The following RARB variants were observed in gnomAD, a reference collection of about 807,000 sequenced individuals.
RARB encodes retinoic acid receptor beta, also known as HBV-activated protein.
In RARB, 17 loss-of-function variants were observed where a neutral mutation model predicts 51.9. The observed-to-expected ratio is 0.33, with a 90% CI of 0.22 to 0.49. The LOEUF (loss-of-function observed/expected upper bound fraction) is 0.49. RARB is among the 20% of genes least tolerant of loss of function. The pLI is 0.99. For missense variants in RARB, 369 were observed against 550.8 expected (o/e 0.67, Z 3.30); for synonymous variants, 215 against 195.4 (o/e 1.10, Z -0.84).
chr3:25,126,103 AGT>A (rs1699855471), intron 3 of RARB, among the ~76,000 whole-genome samples: 1 of 152,180 alleles, frequency 6.6e-6, no homozygotes, highest in African/African-American at 2.4e-5. Context: ...TTGCTGCTCT[AGT>A]GTGTGTGATA....
Position 25,314,875 on chromosome 3 carries a change from C to A in RARB, c.178+140300C>A, listed in dbSNP as rs561654321. Among the ~76,000 whole-genome samples the A allele has an allele frequency of 2.6e-5, 4 of 152,242 alleles. No homozygotes were observed. In the South Asian group the frequency reaches 8.3e-4, roughly 32 times the overall value. ...TCCCCTCTCTTGTAGTCCACAGTGTCTGTTGCTTCCATCTTTATGTCGCTG... is the reference window on the plus strand; with the variant it reads ...TCCCCTCTCTTGTAGTCCACAGTGTATGTTGCTTCCATCTTTATGTCGCTG... On this transcript the variant is annotated intron_variant, in intron 5 of 11. Transcript: ENST00000383772.
At chr3:25,595,094 A>G (rs145760596) in intron 7 of RARB, among the ~76,000 whole-genome samples, 273 of 152,310 alleles carry the variant, frequency 1.8e-3, no homozygotes, top group African/African-American at 6.1e-3. Flanking sequence ...TCTTTTGTAT[A>G]TAGGCAGATT....
chr3:25,483,888 C>T (rs183341029), intron 2 of RARB, among the ~76,000 whole-genome samples: 10 of 152,288 alleles, frequency 6.6e-5, no homozygotes, highest in Admixed American at 2.0e-4. Flanking sequence ...TGCTAATTAT[C>T]GTTCTCAAGT....
At chr3:25,046,622 T>G (rs1698222290) in intron 2 of RARB, among the ~76,000 whole-genome samples, 1 of 151,832 alleles carries the variant, frequency 6.6e-6, no homozygotes, top group Admixed American at 6.6e-5. Context: ...CTCAGCTAAT[T>G]TTTGTATTTT....
chr3:25,249,453 T>C (rs779700313), intron 5 of RARB, among the ~76,000 whole-genome samples: 1 of 152,188 alleles, frequency 6.6e-6, no homozygotes, highest in Non-Finnish European at 1.5e-5. Context: ...CATTGAAATC[T>C]GTTGCTGGAA....
intron 1 of RARB, among the ~76,000 whole-genome samples, chr3:25,450,479 T>C (rs1162160495): frequency 6.6e-6 from 1 of 152,140 alleles, no homozygotes; most frequent in Non-Finnish European, 1.5e-5. Context: ...CCATCTGCAT[T>C]GTAGGACTCT....
chr3:25,193,899 A>G (rs1247604364), intron 5 of RARB, among the ~76,000 whole-genome samples: 1 of 46,094 alleles, frequency 2.2e-5, no homozygotes, highest in Non-Finnish European at 4.4e-5. Flanking sequence ...AAAATTGTAT[A>G]TGTAATTAAT....
chr3:25,140,067 A>G (rs765682896), intron 4 of RARB, among the ~76,000 whole-genome samples: 1 of 150,484 alleles, frequency 6.6e-6, no homozygotes. Flanking sequence ...CAAGAGGTGG[A>G]GATATACAAG....
intron 5 of RARB, among the ~76,000 whole-genome samples, chr3:25,366,036 A>C (rs966430011): frequency 6.6e-6 from 1 of 152,176 alleles, no homozygotes; most frequent in African/African-American, 2.4e-5. Flanking sequence ...CATTATGGAG[A>C]GTGCAGGACA....
chr3:24,872,113 A>G (rs1702959746), intron 2 of RARB, among the ~76,000 whole-genome samples: 1 of 152,160 alleles, frequency 6.6e-6, no homozygotes, highest in African/African-American at 2.4e-5. Flanking sequence ...TTTCACTTAG[A>G]CTTAAAGCCA....
chr3:24,949,695 G>C (rs967457805), intron 2 of RARB, among the ~76,000 whole-genome samples: 1 of 152,186 alleles, frequency 6.6e-6, no homozygotes, highest in African/African-American at 2.4e-5. Flanking sequence ...AATGCATTCA[G>C]ATCTTAGCAT....
chr3:25,584,602 G>A (rs984273043), intron 5 of RARB, among the ~76,000 whole-genome samples: 2 of 152,200 alleles, frequency 1.3e-5, no homozygotes, highest in South Asian at 4.1e-4. Context: ...GTTGGAGGAA[G>A]TGAGTGTGCC....
intron 2 of RARB, among the ~76,000 whole-genome samples, chr3:24,863,979 C>T (rs569392309): frequency 1.3e-5 from 2 of 152,250 alleles, no homozygotes; most frequent in Admixed American, 1.3e-4. Context: ...TCCTGCCAAT[C>T]CCAATTCTTC....
chr3:25,583,129 C>A (rs1237782461), intron 5 of RARB, among the ~76,000 whole-genome samples: 1 of 152,168 alleles, frequency 6.6e-6, no homozygotes, highest in Non-Finnish European at 1.5e-5. Flanking sequence ...GACCTCCAAT[C>A]ATACCAGACA....
intron 4 of RARB, among the ~76,000 whole-genome samples, chr3:25,168,137 TAAAAC>T (rs1434349284): frequency 6.6e-6 from 1 of 152,136 alleles, no homozygotes; most frequent in Non-Finnish European, 1.5e-5. Flanking sequence ...TTAATGGAAA[TAAAAC>T]AGAAAAAGTA....
intron 1 of RARB, among the ~76,000 whole-genome samples, chr3:25,434,658 C>T (rs1486109641): frequency 1.3e-5 from 2 of 151,512 alleles, no homozygotes; most frequent in Non-Finnish European, 2.9e-5. Context: ...TCTCCTGCCT[C>T]AGCCTCCTGA....
chr3:24,928,199 C>T (rs2125391658), intron 2 of RARB, among the ~76,000 whole-genome samples: 1 of 151,930 alleles, frequency 6.6e-6, no homozygotes, highest in Non-Finnish European at 1.5e-5. Flanking sequence ...TAGGTGTTTC[C>T]ATTGCTTATG....
intron 2 of RARB, among the ~76,000 whole-genome samples, chr3:24,906,004 A>G (rs1694855732): frequency 6.6e-6 from 1 of 152,206 alleles, no homozygotes; most frequent in African/African-American, 2.4e-5. Context: ...TGCACAAGGC[A>G]TAGGTAAGAT....
intron 5 of RARB, among the ~76,000 whole-genome samples, chr3:25,278,011 T>C (rs1389255262): frequency 6.6e-6 from 1 of 152,230 alleles, no homozygotes; most frequent in Non-Finnish European, 1.5e-5. Flanking sequence ...GAGAGACTCA[T>C]CCTTTCATGC....
Sources: allele counts gnomAD v4.1 joint callset (sites outside exome capture counted in the v4.1 genomes callset), GRCh38; gene constraint gnomAD v4.1.1; transcripts MANE v1.5; gene names NCBI Gene and HGNC (gene_info 2026-07-23, HGNC 2026-07-21).